The following GABRG2 variants were observed in gnomAD, a reference collection of about 807,000 sequenced individuals.
GABRG2 encodes gamma-aminobutyric acid receptor subunit gamma-2.
GABRG2 carries 16 observed loss-of-function variants against 56.4 expected under a neutral mutation model. That is an observed-to-expected ratio of 0.28 (90% CI 0.19 to 0.43). The LOEUF (loss-of-function observed/expected upper bound fraction) is 0.43, where lower values mean the gene tolerates loss of function less well. Among genes scored for constraint, GABRG2 ranks in the 20% least tolerant of loss-of-function variants. The pLI is 1.00. For synonymous variants in GABRG2, 208 were observed against 205.5 expected, an observed-to-expected ratio of 1.01 and a Z score of -0.10; for missense variants, 327 against 582.7, an observed-to-expected ratio of 0.56 and a Z score of 4.52.
intron 6 of GABRG2, among the ~76,000 whole-genome samples, chr5:162,124,084 G>A (rs1032783277): frequency 1.3e-5 from 2 of 151,842 alleles, no homozygotes; most frequent in African/African-American, 4.8e-5. Context: ...CTTCCCCAGA[G>A]AGAAAGTGTT....
chr5:162,119,065 G>T (rs577825223), intron 6 of GABRG2, among the ~76,000 whole-genome samples: 1 of 152,168 alleles, frequency 6.6e-6, no homozygotes, highest in African/African-American at 2.4e-5. Flanking sequence ...TAAGTCATTT[G>T]AGAATTGAAA....
intron 6 of GABRG2, among the ~76,000 whole-genome samples, chr5:162,110,805 C>T (rs764137653): frequency 1.3e-5 from 2 of 151,980 alleles, no homozygotes; most frequent in Non-Finnish European, 1.5e-5. Context: ...CTTGAAGCAG[C>T]GTAATATCTT....
At chr5:162,112,299 C>T (rs995388580) in intron 6 of GABRG2, among the ~76,000 whole-genome samples, 1 of 151,730 alleles carries the variant, frequency 6.6e-6, no homozygotes, top group Admixed American at 6.6e-5. Flanking sequence ...TTTTCTAACC[C>T]AGCTGAAAAT....
intron 6 of GABRG2, among the ~76,000 whole-genome samples, chr5:162,109,713 T>C (rs1762124629): frequency 6.6e-6 from 1 of 152,038 alleles, no homozygotes; most frequent in African/African-American, 2.4e-5. Context: ...ATTATATATA[T>C]TTTCCATTGC....
At position 162,122,137 on chromosome 5, in the gene GABRG2, AAC is replaced by A. The variant is rs565939036; in HGVS notation, c.769+18115_769+18116del. Among the ~76,000 whole-genome samples, 5 of 152,126 alleles carry A rather than the reference AAC, an allele frequency of 3.3e-5. No individual in the cohort carries two copies. In the South Asian group the frequency reaches 1.0e-3, roughly 32 times the overall value. On this transcript the variant is annotated intron_variant, in intron 6 of 9. Coordinates refer to ENST00000639213, the MANE Select transcript of GABRG2 (RefSeq NM_198904.4). The stretch of plus-strand genomic sequence containing the variant: ...TCTTAATTCCTCTAGAATACACACA[AAC>A]ACATAAAAATAAATGCTTACTTTAA...
chr5:162,118,288 T>G (rs1581395262), intron 6 of GABRG2, among the ~76,000 whole-genome samples: 2 of 152,000 alleles, frequency 1.3e-5, no homozygotes, highest in East Asian at 3.9e-4. Context: ...TCATGCCAAT[T>G]ATATACTGTA....
intron 6 of GABRG2, among the ~76,000 whole-genome samples, chr5:162,107,134 A>T (rs1041822142): frequency 6.6e-6 from 1 of 152,072 alleles, no homozygotes. Flanking sequence ...TATCAGCTTG[A>T]TAGGGGTAGT....
intron 6 of GABRG2, among the ~76,000 whole-genome samples, chr5:162,119,487 A>C (rs1762840609): frequency 6.6e-6 from 1 of 152,154 alleles, no homozygotes; most frequent in Non-Finnish European, 1.5e-5. Context: ...ACTTTGAAGT[A>C]GATATATGAT....
At position 162,153,348 on chromosome 5, in the gene GABRG2, G is replaced by C. The variant is rs1765509817; in HGVS notation, c.1408G>C (p.Val470Leu). The C allele has an allele frequency of 1.2e-6, 2 of 1,613,880 alleles. No homozygotes were observed. The highest frequency in any genetic ancestry group is 1.7e-6 in the Non-Finnish European group (2 of 1,179,878). ...CTGCCTGTTTAATCTGGTCTATTGG[G>C]TCTCCTACCTCTACCTGTGAGGAGG... ...AFCLFNLVYW[V>L]SYLYL Residue 470 changes from valine (V) to leucine (L), a missense_variant, in exon 10 of 10, where the codon GTC becomes CTC. Around this residue, in one of 4 missense-constraint regions of GABRG2, gnomAD observed 108 missense variants for 144.2 expected, o/e 0.75. Transcript: ENST00000639213.
At chr5:162,115,492 T>C (rs570701484) in intron 6 of GABRG2, among the ~76,000 whole-genome samples, 2 of 152,212 alleles carry the variant, frequency 1.3e-5, no homozygotes, top group East Asian at 1.9e-4. Flanking sequence ...GGTGTTGCCA[T>C]AGAGATGGTT....
intron 1 of GABRG2, among the ~76,000 whole-genome samples, chr5:162,082,755 CTATT>C (rs1759764500): frequency 6.6e-6 from 1 of 151,252 alleles, no homozygotes. Context: ...TAAAAATAAG[CTATT>C]TATATAACGA....
At chr5:162,148,053 C>T (rs1464782004) in intron 7 of GABRG2, among the ~76,000 whole-genome samples, 3 of 152,170 alleles carry the variant, frequency 2.0e-5, no homozygotes, top group African/African-American at 4.8e-5. Flanking sequence ...GTATAAATTA[C>T]ACAACTTTTA....
chr5:162,079,079 G>A (rs1224327181), intron 1 of GABRG2, among the ~76,000 whole-genome samples: 1 of 151,592 alleles, frequency 6.6e-6, no homozygotes, highest in Non-Finnish European at 1.5e-5. Flanking sequence ...AAAAATATGT[G>A]AGTACTCACA....
At position 162,155,359 on chromosome 5, in the gene GABRG2, A is replaced by C. The variant is rs1753797907; in HGVS notation, c.*1991A>C. The C allele has an allele frequency of 6.6e-6, 1 of 152,516 alleles. No homozygotes were observed. Among genetic ancestry groups the C allele is most frequent in the African/African-American group, 2.4e-5 (1 of 41,450 alleles). The allele number at this position is 152,516 out of a possible 1,614,324, so 9.4% of individuals were successfully genotyped here. ...TGTGTTCTGTAATGGGGACACTACAAAAAGCTAGCTTTCCAATGTGTGCAT... is the reference window on the plus strand; with the variant it reads ...TGTGTTCTGTAATGGGGACACTACACAAAGCTAGCTTTCCAATGTGTGCAT... On this transcript the variant is annotated 3_prime_UTR_variant, in exon 10 of 10. Transcript: ENST00000639213.
At chr5:162,101,688 A>G (rs1352791448) in intron 5 of GABRG2, 7 of 233,128 alleles carry the variant, frequency 3.0e-5, no homozygotes, top group Non-Finnish European at 6.0e-5. Context: ...CTAGGAAGGG[A>G]CTATAGCAGC....
rs2113633277 is a variant in GABRG2 at position 162,149,241 on chromosome 5, G to A, written c.1056G>A (p.Glu352=). 6.2e-7 allele frequency: 1 copy of A among 1,614,132 alleles called. No homozygotes were observed. The highest frequency in any genetic ancestry group is 8.5e-7 in the Non-Finnish European group (1 of 1,180,008). Residue 352 remains glutamate (E), a synonymous_variant, in exon 8 of 10, where the codon GAG becomes GAA. Transcript: ENST00000639213. ...TCTTTGTCTTCTCTGCTCTGGTGGA[G>A]TATGGCACCTTGCATTATTTTGTCA... ...CFIFVFSALV[E]YGTLHYFVSN... is the part of the protein sequence containing the mutation.
chr5:162,122,932 T>C (rs1182701780), intron 6 of GABRG2, among the ~76,000 whole-genome samples: 1 of 151,774 alleles, frequency 6.6e-6, no homozygotes, highest in African/African-American at 2.4e-5. Context: ...TTCTTGTTTA[T>C]GTTTATTTTT....
rs759392289 is a variant in GABRG2 at position 162,068,016 on chromosome 5, T to C, written c.17T>C (p.Ile6Thr). Reference sequence around the variant, plus strand: ...AAAAAAGCGATGAGTTCGCCAAATATATGGAGCACAGGAAGCTCAGTCTAC... The same window carrying C: ...AAAAAAGCGATGAGTTCGCCAAATACATGGAGCACAGGAAGCTCAGTCTAC... The part of the protein sequence containing the change: MSSPN[I>T]WSTGSSVYST... Residue 6 changes from isoleucine (I) to threonine (T), a missense_variant, in exon 1 of 10, where the codon ATA (isoleucine) becomes ACA (threonine). Coordinates refer to ENST00000639213, the MANE Select transcript of GABRG2 (RefSeq NM_198904.4). The C allele has an allele frequency of 8.7e-6, 14 of 1,611,700 alleles. No individual in the cohort carries two copies. The highest frequency in any genetic ancestry group is 2.2e-5 in the East Asian group (1 of 44,794).
At chr5:162,116,310 C>T (rs748737786) in intron 6 of GABRG2, among the ~76,000 whole-genome samples, 19 of 151,802 alleles carry the variant, frequency 1.3e-4, no homozygotes, top group Non-Finnish European at 2.6e-4. Flanking sequence ...TAGAGTCAGT[C>T]TGTATTGGTC....
Sources: allele counts gnomAD v4.1 joint callset (sites outside exome capture counted in the v4.1 genomes callset), GRCh38; gene constraint gnomAD v4.1.1; regional missense constraint gnomAD v4.1.1; transcripts MANE v1.5; gene names NCBI Gene and HGNC (gene_info 2026-07-23, HGNC 2026-07-21).